The following SEPTIN7 variants were observed in gnomAD, a reference collection of about 807,000 sequenced individuals.
SEPTIN7 encodes the protein septin 7.
Under a neutral mutation model 63.3 loss-of-function variants are expected in SEPTIN7, and 10 were observed. The ratio of observed to expected loss-of-function variants is 0.16; its 90% CI spans 0.10 to 0.27. SEPTIN7 has a LOEUF of 0.27. Ranked by LOEUF, SEPTIN7 falls within the 10% of genes least tolerant of loss-of-function variation. The pLI is 1.00. For missense variants in SEPTIN7, 310 were observed against 521.0 expected, an observed-to-expected ratio of 0.59 and a Z score of 3.94; for synonymous variants, 131 against 165.3, an observed-to-expected ratio of 0.79 and a Z score of 1.59.
In SEPTIN7 at chr7:35,801,199, G is replaced by T. The variant is rs534060123; in HGVS notation, c.-11G>T. On this transcript the variant is annotated 5_prime_UTR_variant, in exon 1 of 14. Coordinates refer to ENST00000350320, the MANE Select transcript of SEPTIN7 (RefSeq NM_001788.6). ...CGCTCCGCTGGGGCTGGTCGCGGAG[G>T]GGGGGAGGGGATGTCGGTCAGTGCG... 9.3e-4 allele frequency: 1,399 copies of T among 1,501,952 alleles called. 7 individuals are homozygous for T. Among genetic ancestry groups the T allele is most frequent in the Middle Eastern group, 7.1e-3 (33 of 4,676 alleles). The allele number at this position is 1,501,952 out of a possible 1,614,324, so 93.0% of individuals were successfully genotyped here.
chr7:35,910,267 C>T (rs1788718219), downstream of SEPTIN7, among the ~76,000 whole-genome samples: 1 of 152,178 alleles, frequency 6.6e-6, no homozygotes. Context: ...AGCGGGCGTA[C>T]TAAATAAAGG....
At chr7:35,807,542 T>G (rs2115667773) in intron 1 of SEPTIN7, among the ~76,000 whole-genome samples, 1 of 152,048 alleles carries the variant, frequency 6.6e-6, no homozygotes, top group Non-Finnish European at 1.5e-5. Context: ...TTTTTGTATT[T>G]TTAGTAGAGA....
intron 3 of SEPTIN7, among the ~76,000 whole-genome samples, chr7:35,856,618 G>A (rs1785221841): frequency 6.6e-6 from 1 of 152,138 alleles, no homozygotes; most frequent in African/African-American, 2.4e-5. Context: ...AGCAGACTGA[G>A]TTCTCAACTA....
chr7:35,896,954 C>T (rs1020621197), intron 11 of SEPTIN7, among the ~76,000 whole-genome samples: 8 of 152,162 alleles, frequency 5.3e-5, no homozygotes, highest in Non-Finnish European at 7.4e-5. Flanking sequence ...TTGTTTCTAA[C>T]ATTTTCTATC....
intron 1 of SEPTIN7, among the ~76,000 whole-genome samples, chr7:35,827,450 A>G (rs1308701343): frequency 6.6e-6 from 1 of 152,210 alleles, no homozygotes; most frequent in African/African-American, 2.4e-5. Flanking sequence ...AAAAATTCTT[A>G]TGAGATATGA....
At chr7:35,849,675 A>G (rs1784865317) in intron 3 of SEPTIN7, among the ~76,000 whole-genome samples, 1 of 152,234 alleles carries the variant, frequency 6.6e-6, no homozygotes, top group Non-Finnish European at 1.5e-5. Flanking sequence ...TTCATTTTAC[A>G]GCCAGATGTA....
At chr7:35,896,567 T>TA (rs1562588236) in intron 11 of SEPTIN7, among the ~76,000 whole-genome samples, 1 of 152,150 alleles carries the variant, frequency 6.6e-6, no homozygotes, top group South Asian at 2.1e-4. Context: ...GCAACTGTAT[T>TA]AAAAACACCT....
At chr7:35,851,095 G>T (rs894333032) in intron 3 of SEPTIN7, among the ~76,000 whole-genome samples, 11 of 152,092 alleles carry the variant, frequency 7.2e-5, no homozygotes, top group South Asian at 6.2e-4. Context: ...GGTGATGAAT[G>T]TTTTATTTTT....
chr7:35,857,944 T>C (rs1481599154), intron 3 of SEPTIN7, among the ~76,000 whole-genome samples: 4 of 151,814 alleles, frequency 2.6e-5, no homozygotes, highest in Non-Finnish European at 5.9e-5. Flanking sequence ...ATGAACCACT[T>C]TTATTTCTTT....
Position 35,905,917 on chromosome 7 carries a change from T to A in SEPTIN7, c.*1624T>A, listed in dbSNP as rs1788588432. The A allele has an allele frequency of 6.6e-6, 1 of 152,220 alleles. No homozygotes were observed. Among genetic ancestry groups the A allele is most frequent in the Non-Finnish European group, 1.5e-5 (1 of 68,042 alleles). 9.4% of individuals were successfully genotyped at this position (152,220 alleles called of 1,614,324 possible). A position where few individuals can be genotyped will look rare whatever the true frequency, so the allele number is the denominator to read the frequency against. On this transcript the variant is annotated 3_prime_UTR_variant, in exon 14 of 14. Coordinates refer to ENST00000350320, the MANE Select transcript of SEPTIN7 (RefSeq NM_001788.6). ...AGGTAAGAAATTAATTAATGTAGCC[T>A]AGTTTATTATCTTGAAATGTTTTAC...
intron 1 of SEPTIN7, among the ~76,000 whole-genome samples, chr7:35,823,870 T>G (rs12701460): frequency 0.15 from 22,892 of 152,000 alleles, 1,982 homozygotes; most frequent in East Asian, 0.28. Flanking sequence ...TCTTTTTTTT[T>G]GGGATTTTCA....
chr7:35,830,237 G>C (rs1207029014), intron 1 of SEPTIN7, among the ~76,000 whole-genome samples: 1 of 152,088 alleles, frequency 6.6e-6, no homozygotes, highest in Non-Finnish European at 1.5e-5. Flanking sequence ...AAGCCATGAA[G>C]TGATAGTATG....
At chr7:35,872,889 GA>G (rs1583598856) in intron 5 of SEPTIN7, 123 bp downstream of exon 5, 1 of 670,572 alleles carries the variant, frequency 1.5e-6, no homozygotes. Flanking sequence ...CAAGCAACAT[GA>G]CTTGGGTTTG....
At chr7:35,806,590 G>T (rs1788354951) in intron 1 of SEPTIN7, among the ~76,000 whole-genome samples, 1 of 152,188 alleles carries the variant, frequency 6.6e-6, no homozygotes, top group Non-Finnish European at 1.5e-5. Context: ...TTAGTTCAAT[G>T]AATTGCTGAT....
At chr7:35,852,079 G>A (rs1220971665) in intron 3 of SEPTIN7, among the ~76,000 whole-genome samples, 2 of 152,064 alleles carry the variant, frequency 1.3e-5, no homozygotes, top group Non-Finnish European at 2.9e-5. Flanking sequence ...TTTTCTGTGA[G>A]AAAATGTGAA....
chr7:35,834,855 T>G (rs1784003420), intron 3 of SEPTIN7, among the ~76,000 whole-genome samples: 1 of 152,288 alleles, frequency 6.6e-6, no homozygotes, highest in East Asian at 1.9e-4. Context: ...CAGCTATTCC[T>G]TATGAGCTAA....
the SEPTIN7 span, among the ~76,000 whole-genome samples, chr7:35,914,649 C>A: frequency 8.1e-5 from 9 of 110,948 alleles, no homozygotes; most frequent in African/African-American, 2.5e-4. Flanking sequence ...CTCTCTCTCT[C>A]TCTCTCTCTC....
rs1049563744 is a variant in SEPTIN7, at chr7:35,902,989, T to G, written c.1135-87T>G. 5 of 1,443,470 alleles carry G rather than the reference T, an allele frequency of 3.5e-6. No individual in the cohort carries two copies. The Admixed American group carries it at 1.4e-4, about 41-fold the overall frequency. 89.4% of individuals were successfully genotyped at this position (1,443,470 alleles called of 1,614,324 possible). ...AGGGCTATTCAAATAGTGCTCATAC[T>G]CCTTATCATTAGGGTGTCTGGATGA... On this transcript the variant is annotated intron_variant, in intron 12 of 13. Transcript: ENST00000350320.
At chr7:35,915,310 TAC>T in the SEPTIN7 span, among the ~76,000 whole-genome samples, 17 of 152,144 alleles carry the variant, frequency 1.1e-4, no homozygotes. Flanking sequence ...CACCTGCTCA[TAC>T]ACACACACTT....
Sources: allele counts gnomAD v4.1 joint callset (sites outside exome capture counted in the v4.1 genomes callset), GRCh38; gene constraint gnomAD v4.1.1; transcripts MANE v1.5; gene names NCBI Gene and HGNC (gene_info 2026-07-23, HGNC 2026-07-21).